The following ASH1L variants were observed in gnomAD, a reference collection of about 807,000 sequenced individuals.
ASH1L encodes the protein histone-lysine N-methyltransferase ASH1L.
A neutral mutation model predicts 269.0 loss-of-function variants in ASH1L; 23 were observed. The observed-to-expected ratio is 0.09, with a 90% CI of 0.06 to 0.12. ASH1L has a LOEUF of 0.12. Among genes scored for constraint, ASH1L ranks in the 10% least tolerant of loss-of-function variants. The pLI, the probability that ASH1L is intolerant of heterozygous loss-of-function variation, is 1.00. For missense variants in ASH1L, 2,912 were observed against 3,567.8 expected, an observed-to-expected ratio of 0.82 and a Z score of 4.68; for synonymous variants, 1,187 against 1,253.5, an observed-to-expected ratio of 0.95 and a Z score of 1.12.
At chr1:155,470,753 T>C (rs887382262) in intron 3 of ASH1L, among the ~76,000 whole-genome samples, 4 of 151,982 alleles carry the variant, frequency 2.6e-5, no homozygotes, top group East Asian at 1.9e-4. Flanking sequence ...GGTTTTACCA[T>C]GTTGGCCAGG....
chr1:155,501,572 T>C (rs568605329), intron 2 of ASH1L, among the ~76,000 whole-genome samples: 1 of 152,324 alleles, frequency 6.6e-6, no homozygotes, highest in Admixed American at 6.5e-5. Flanking sequence ...GGTTTTGCCA[T>C]GTTGACTAGG....
chr1:155,515,718 C>A (rs1472540483), intron 2 of ASH1L, among the ~76,000 whole-genome samples: 2 of 151,468 alleles, frequency 1.3e-5, no homozygotes, highest in African/African-American at 4.9e-5. Flanking sequence ...ATCCCAGCTA[C>A]TCAGGAGGCT....
rs1350090943 is a variant in ASH1L at position 155,341,953 on chromosome 1, G to A, written c.8443C>T (p.Pro2815Ser). ...AFDHFPKKLT[P>S]KKDFSPHYVP... ...AGACTCACCGAGAAATCTTTTTTGG[G>A]AGTGAGCTTCTTGGGGAAGTGATCA... Residue 2815 changes from proline (P) to serine (S), a missense_variant, in exon 25 of 28, where the codon CCC (proline) becomes TCC (serine). This residue lies in a region of ASH1L where 179 missense variants were observed against 293.8 expected (regional missense o/e 0.61). Coordinates refer to ENST00000392403, the MANE Select transcript of ASH1L (RefSeq NM_018489.3). 1 of 1,613,904 alleles carries A rather than the reference G, an allele frequency of 6.2e-7. No homozygotes were observed.
intron 3 of ASH1L, among the ~76,000 whole-genome samples, chr1:155,466,223 G>A (rs1456961562): frequency 4.6e-5 from 7 of 151,928 alleles, no homozygotes; most frequent in East Asian, 1.9e-4. Context: ...GCGTGGTGGC[G>A]GGCACCTGTA....
intron 2 of ASH1L, among the ~76,000 whole-genome samples, chr1:155,507,059 G>A (rs1667861453): frequency 6.6e-6 from 1 of 152,192 alleles, no homozygotes; most frequent in Non-Finnish European, 1.5e-5. Flanking sequence ...AAGGCGGGCA[G>A]GCCACCTGAG....
chr1:155,352,449 A>G (rs1654016584), intron 17 of ASH1L, among the ~76,000 whole-genome samples: 1 of 152,036 alleles, frequency 6.6e-6, no homozygotes, highest in Non-Finnish European at 1.5e-5. Flanking sequence ...CCTTAGGTTA[A>G]GAAAACTGCA....
rs538666289 is a variant in ASH1L, at chr1:155,544,626, T to C, written c.-100+17527A>G. Among the ~76,000 whole-genome samples the C allele has an allele frequency of 8.6e-4, 130 of 151,892 alleles. 1 individual carries two copies. Among genetic ancestry groups the C allele is most frequent in the African/African-American group, 3.0e-3 (125 of 41,424 alleles). ...AGGCAAATCAGGAAACTAAAAACCA[T>C]AAAGAAAAATAGTGACAAGTATGAT... On this transcript the variant is annotated intron_variant, in intron 1 of 27. Transcript: ENST00000392403.
intron 1 of ASH1L, among the ~76,000 whole-genome samples, chr1:155,546,232 G>C (rs1177337384): frequency 6.6e-6 from 1 of 151,278 alleles, no homozygotes; most frequent in Non-Finnish European, 1.5e-5. Flanking sequence ...GTGGTAGGCT[G>C]AGGCAGGAGA....
chr1:155,537,268 C>T (rs1338715431), intron 1 of ASH1L, among the ~76,000 whole-genome samples: 1 of 152,066 alleles, frequency 6.6e-6, no homozygotes, highest in African/African-American at 2.4e-5. Flanking sequence ...GCATTATTCA[C>T]TCACTGAAAC....
upstream of ASH1L, chr1:155,562,832 C>T (rs1672132429): frequency 7.7e-6 from 4 of 521,202 alleles, no homozygotes; most frequent in Non-Finnish European, 1.5e-5. Context: ...CTCCTCTTCT[C>T]TCCTCCCCCC....
chr1:155,407,877 T>C (rs958517620), intron 6 of ASH1L, among the ~76,000 whole-genome samples: 7 of 152,180 alleles, frequency 4.6e-5, no homozygotes, highest in Non-Finnish European at 8.8e-5. Context: ...GTATTTATAT[T>C]ACATATATTC....
At chr1:155,471,577 T>C (rs1193877750) in intron 3 of ASH1L, among the ~76,000 whole-genome samples, 1 of 152,236 alleles carries the variant, frequency 6.6e-6, no homozygotes, top group African/African-American at 2.4e-5. Context: ...GTGCCCGGAT[T>C]CCACAAGGGG....
intron 8 of ASH1L, among the ~76,000 whole-genome samples, 163 bp from the exon 9 acceptor site, chr1:155,378,711 ATC>A (rs1295181424): frequency 6.6e-6 from 1 of 152,212 alleles, no homozygotes; most frequent in East Asian, 1.9e-4. Flanking sequence ...TCTTGGTGTG[ATC>A]TCTTTTTACT....
intron 5 of ASH1L, among the ~76,000 whole-genome samples, chr1:155,417,110 T>A (rs1315655965): frequency 6.6e-6 from 1 of 151,694 alleles, no homozygotes; most frequent in East Asian, 2.0e-4. Context: ...TTTTTTTGTA[T>A]TTTTAGTACA....
At chr1:155,511,566 C>T (rs1192808336) in intron 2 of ASH1L, among the ~76,000 whole-genome samples, 2 of 152,138 alleles carry the variant, frequency 1.3e-5, no homozygotes, top group African/African-American at 2.4e-5. Flanking sequence ...AGTGCAGTGG[C>T]GCAATCTCGG....
intron 1 of ASH1L, among the ~76,000 whole-genome samples, chr1:155,545,968 C>A (rs920463042): frequency 9.9e-5 from 15 of 151,920 alleles, no homozygotes; most frequent in African/African-American, 3.6e-4. Flanking sequence ...ACCAGCCTGG[C>A]CAATGTGGTG....
At chr1:155,373,176 G>C (rs1178605487) in intron 10 of ASH1L, among the ~76,000 whole-genome samples, 4 of 149,686 alleles carry the variant, frequency 2.7e-5, no homozygotes, top group Non-Finnish European at 4.4e-5. Context: ...TTGCACCACT[G>C]TACTCCAGCC....
rs570646733 is a variant in ASH1L, at chr1:155,424,021, G to A, written c.5829-8098C>T. Among the ~76,000 whole-genome samples, 506 of 152,154 alleles carry A rather than the reference G, an allele frequency of 3.3e-3. 3 individuals carry two copies. The highest frequency in any genetic ancestry group is 0.012 in the African/African-American group (485 of 41,524). On this transcript the variant is annotated intron_variant, in intron 5 of 27. Transcript: ENST00000392403. ...ATTATAGGTGCGAGCCACCGTGCCC[G>A]GCCCATTTATCTTGAAATGGTGGGC...
chr1:155,402,112 G>T (rs1014723010), intron 6 of ASH1L, among the ~76,000 whole-genome samples: 29 of 152,108 alleles, frequency 1.9e-4, no homozygotes, highest in South Asian at 2.1e-4. Flanking sequence ...TACTAGCTGG[G>T]CATGGTGATT....
Sources: allele counts gnomAD v4.1 joint callset (sites outside exome capture counted in the v4.1 genomes callset), GRCh38; gene constraint gnomAD v4.1.1; regional missense constraint gnomAD v4.1.1; transcripts MANE v1.5; gene names NCBI Gene and HGNC (gene_info 2026-07-23, HGNC 2026-07-21).